ADAMTS17: variants seen among roughly 807,000 people sequenced by gnomAD.
The protein encoded by ADAMTS17 is ADAM metallopeptidase with thrombospondin type 1 motif 17.
A neutral mutation model predicts 141.5 loss-of-function variants in ADAMTS17; 113 were observed. The ratio of observed to expected loss-of-function variants is 0.80; its 90% CI spans 0.69 to 0.93. ADAMTS17 has a LOEUF of 0.93. ADAMTS17 is among the 40% of genes least tolerant of loss of function. The pLI, the probability that ADAMTS17 is intolerant of heterozygous loss-of-function variation, is 0.00. For missense variants in ADAMTS17, 1,659 were observed against 1,517.9 expected (o/e 1.09, Z -1.54); for synonymous variants, 768 against 630.6 (o/e 1.22, Z -3.27).
intron 12 of ADAMTS17, among the ~76,000 whole-genome samples, chr15:100,131,724 T>TA (rs1220110162): frequency 1.3e-5 from 2 of 152,136 alleles, no homozygotes; most frequent in Non-Finnish European, 2.9e-5. Context: ...GGGACTGTCA[T>TA]ACAGCTGTCT....
At chr15:100,119,691 G>A (rs181876283) in intron 12 of ADAMTS17, among the ~76,000 whole-genome samples, 7 of 152,328 alleles carry the variant, frequency 4.6e-5, no homozygotes, top group South Asian at 4.1e-4. Flanking sequence ...GTCTGGAGGC[G>A]GAGCACATGG....
At chr15:100,062,061 CA>C (rs1265395798) in intron 15 of ADAMTS17, among the ~76,000 whole-genome samples, 3 of 152,200 alleles carry the variant, frequency 2.0e-5, no homozygotes, top group African/African-American at 7.2e-5. Context: ...CTGCCAAAAG[CA>C]GCAAGAGGCC....
intron 13 of ADAMTS17, 121 bp downstream of exon 13, chr15:100,116,726 G>A (rs139208460): frequency 4.5e-5 from 61 of 1,360,380 alleles, no homozygotes; most frequent in Non-Finnish European, 5.9e-5. Flanking sequence ...CTGGGCAGAG[G>A]ACTGGAGTGT....
At chr15:100,236,877 C>G (rs1188260571) in intron 7 of ADAMTS17, among the ~76,000 whole-genome samples, 1 of 152,080 alleles carries the variant, frequency 6.6e-6, no homozygotes. Context: ...TTGTTCCATG[C>G]TCCCTCTCCT....
rs561343380 is a variant in ADAMTS17 at position 100,053,480 on chromosome 15, A to G, written c.2295+417T>C. The stretch of plus-strand genomic sequence containing the variant: ...CAGTTCGGACCTGGAGTCATAGTTC[A>G]TTTCCGAAAGGTAATGATATACACT... On this transcript the variant is annotated intron_variant, in intron 16 of 21. Coordinates refer to ENST00000268070, the MANE Select transcript of ADAMTS17 (RefSeq NM_139057.4). Among the ~76,000 whole-genome samples, 54 of 152,270 alleles carry G rather than the reference A, an allele frequency of 3.5e-4. No individual in the cohort carries two copies. The South Asian group carries it at 0.011, about 30-fold the overall frequency.
At chr15:100,182,634 G>C (rs1469957548) in intron 8 of ADAMTS17, among the ~76,000 whole-genome samples, 2 of 152,208 alleles carry the variant, frequency 1.3e-5, no homozygotes, top group African/African-American at 4.8e-5. Flanking sequence ...TAGGTACTGT[G>C]AGTGCTCACT....
At chr15:100,033,621 G>A (rs899948) in intron 18 of ADAMTS17, among the ~76,000 whole-genome samples, 11,422 of 152,156 alleles carry the variant, frequency 0.075, 1,316 homozygotes, top group African/African-American at 0.25. Flanking sequence ...CCATGCTCCC[G>A]TTTGTTGGCC....
At chr15:100,042,063 C>T (rs531259534) in intron 18 of ADAMTS17, among the ~76,000 whole-genome samples, 1 of 152,308 alleles carries the variant, frequency 6.6e-6, no homozygotes, top group Admixed American at 6.5e-5. Flanking sequence ...CTGTCCTCCA[C>T]TCATGCCACC....
In ADAMTS17 at chr15:100,196,963, G is replaced by A. The variant is rs551748607; in HGVS notation, c.1181+2355C>T. ...TTTATTGGCTTTGATTAACAATAAG[G>A]TGTTTGTTTTTGTCGGTAATTGGAG... On this transcript the variant is annotated intron_variant, in intron 8 of 21. Coordinates refer to ENST00000268070, the MANE Select transcript of ADAMTS17 (RefSeq NM_139057.4). Among the ~76,000 whole-genome samples, 8 of 152,350 alleles carry A rather than the reference G, an allele frequency of 5.3e-5. No individual in the cohort carries two copies. In the South Asian group the frequency reaches 1.7e-3, roughly 32 times the overall value.
At chr15:100,211,335 C>A (rs1295569509) in intron 7 of ADAMTS17, among the ~76,000 whole-genome samples, 1 of 144,744 alleles carries the variant, frequency 6.9e-6, no homozygotes, top group Non-Finnish European at 1.5e-5. Flanking sequence ...GAAGAGCTTA[C>A]ATAAAATGCA....
chr15:100,052,636 T>C (rs1232573028), intron 16 of ADAMTS17, among the ~76,000 whole-genome samples: 1 of 152,198 alleles, frequency 6.6e-6, no homozygotes, highest in East Asian at 1.9e-4. Context: ...AGTACAGGTT[T>C]TATGTTTTGC....
At chr15:100,115,261 C>T (rs929240703) in intron 13 of ADAMTS17, among the ~76,000 whole-genome samples, 9 of 152,174 alleles carry the variant, frequency 5.9e-5, no homozygotes, top group African/African-American at 1.9e-4. Context: ...CACAGCCAGG[C>T]GGAGGGAGGC....
intron 15 of ADAMTS17, among the ~76,000 whole-genome samples, chr15:100,090,432 C>G (rs1267102047): frequency 6.6e-6 from 1 of 152,176 alleles, no homozygotes; most frequent in Non-Finnish European, 1.5e-5. Context: ...CTGATGGGGC[C>G]CTGATCAATT....
intron 7 of ADAMTS17, among the ~76,000 whole-genome samples, chr15:100,221,072 C>T (rs1377272230): frequency 1.3e-5 from 2 of 152,128 alleles, no homozygotes; most frequent in Non-Finnish European, 2.9e-5. Context: ...TGTTTAATTT[C>T]TTGAGGAACT....
chr15:100,168,997 G>C (rs1215505773), intron 8 of ADAMTS17, among the ~76,000 whole-genome samples: 1 of 151,986 alleles, frequency 6.6e-6, no homozygotes, highest in East Asian at 1.9e-4. Context: ...CATCGTGGTG[G>C]CCAGCGCGGT....
intron 4 of ADAMTS17, among the ~76,000 whole-genome samples, chr15:100,265,198 C>T (rs562126544): frequency 8.5e-5 from 13 of 152,272 alleles, no homozygotes; most frequent in East Asian, 3.9e-4. Flanking sequence ...GCAAGGCGCA[C>T]GTTCAGAATC....
chr15:100,201,853 G>A (rs2041346616), intron 7 of ADAMTS17, among the ~76,000 whole-genome samples: 1 of 152,130 alleles, frequency 6.6e-6, no homozygotes, highest in Non-Finnish European at 1.5e-5. Flanking sequence ...TGTTTTGTGG[G>A]TTGCTTTTAC....
chr15:100,011,115 T>TA (rs527367838), intron 18 of ADAMTS17, among the ~76,000 whole-genome samples: 219 of 151,118 alleles, frequency 1.4e-3, no homozygotes, highest in African/African-American at 5.0e-3. Context: ...AAATCCTGTA[T>TA]AAAAAACACT....
intron 8 of ADAMTS17, among the ~76,000 whole-genome samples, chr15:100,191,825 G>A (rs1421566872): frequency 6.6e-6 from 1 of 152,136 alleles, no homozygotes; most frequent in Non-Finnish European, 1.5e-5. Context: ...GCAATGCTGA[G>A]TGGGGCAGAG....
Sources: gnomAD v4.1 joint callset for allele counts (sites outside exome capture counted in the v4.1 genomes callset) on GRCh38, gnomAD v4.1.1 for gene constraint, MANE v1.5 for transcripts, NCBI Gene and HGNC (gene_info 2026-07-23, HGNC 2026-07-21) for gene names.